Variants in INPP5A observed in about 807,000 individuals in gnomAD.
INPP5A encodes the protein 43 kDa inositol polyphosphate 5-phophatase.
INPP5A carries 14 observed loss-of-function variants against 65.2 expected under a neutral mutation model. The observed-to-expected ratio is 0.21, with a 90% CI of 0.14 to 0.34. The LOEUF (loss-of-function observed/expected upper bound fraction) is 0.34. INPP5A is among the 10% of genes least tolerant of loss of function. INPP5A has a pLI of 1.00. For synonymous variants in INPP5A, 207 were observed against 208.3 expected, an observed-to-expected ratio of 0.99 and a Z score of 0.05; for missense variants, 431 against 545.6, an observed-to-expected ratio of 0.79 and a Z score of 2.09.
chr10:132,640,705 G>A (rs1057447546), intron 2 of INPP5A, among the ~76,000 whole-genome samples: 6 of 152,376 alleles, frequency 3.9e-5, no homozygotes, highest in East Asian at 1.9e-4. Flanking sequence ...TGGCAAAACC[G>A]GAGCCCCTGC....
intron 1 of INPP5A, among the ~76,000 whole-genome samples, chr10:132,548,598 A>G (rs1487993934): frequency 6.6e-6 from 1 of 152,070 alleles, no homozygotes; most frequent in Non-Finnish European, 1.5e-5. Flanking sequence ...GTTTTGAGAC[A>G]CTTCCCTCCT....
rs1469147399 is a variant in INPP5A, at chr10:132,762,749, G to A, written c.904-3024G>A. On this transcript the variant is annotated intron_variant, in intron 11 of 15. Coordinates refer to ENST00000368594, the MANE Select transcript of INPP5A (RefSeq NM_005539.5). This position sits in a 1 kb window ranked among gnomAD's most constrained non-coding sequence, Gnocchi z 4.6. ...GGGGCTGGGCACGGTAGAACACTTG[G>A]GGAGGCCGAGGCAGGAGGATTGCTT... Among the ~76,000 whole-genome samples the A allele has an allele frequency of 6.6e-6, 1 of 152,178 alleles. No individual in the cohort carries two copies. Among genetic ancestry groups the A allele is most frequent in the Non-Finnish European group, 1.5e-5 (1 of 68,026 alleles).
At chr10:132,749,894 G>A (rs1253941951) in intron 11 of INPP5A, 49 bp downstream of exon 11, 13 of 1,486,886 alleles carry the variant, frequency 8.7e-6, no homozygotes, top group Admixed American at 6.7e-5. Context: ...GGACATCCAC[G>A]CCCCCAGGCC....
intron 8 of INPP5A, among the ~76,000 whole-genome samples, chr10:132,715,055 A>C (rs930881555): frequency 2.6e-5 from 4 of 151,398 alleles, no homozygotes; most frequent in African/African-American, 9.7e-5. Flanking sequence ...GGCGCCGAGC[A>C]CTCAGCCCGT....
rs1241724370 is a variant in INPP5A, at chr10:132,538,925, C to T, written c.75+754C>T. On this transcript the variant is annotated intron_variant, in intron 1 of 15. Transcript: ENST00000368594. The surrounding 1 kb of genome is among the most constrained non-coding windows in gnomAD (Gnocchi z 4.1). ...CCTGACTCTGAACCCTGAATTTCAA[C>T]CTCAGGCCCCAGCTTATGGCCCTGA... Among the ~76,000 whole-genome samples the T allele has an allele frequency of 3.9e-5, 6 of 152,160 alleles. No individual in the cohort carries two copies. The East Asian group carries it at 1.2e-3, about 29-fold the overall frequency.
In INPP5A at chr10:132,771,777, GAC is replaced by G. The variant is rs1591003084; in HGVS notation, c.978-5893_978-5892del. 8.3e-5 allele frequency among the ~76,000 whole-genome samples: 10 copies of G among 120,830 alleles called. 2 individuals are homozygous for G. The highest frequency in any genetic ancestry group is 6.1e-4 in the South Asian group (2 of 3,254). The allele number at this position is 120,830 out of a possible 152,430, so 79.3% of individuals were successfully genotyped here. ...ACAGCAGCCACCCCATGAAGAGTGG[GAC>G]GGACACTCAGCACTGACACGGAGGC... On this transcript the variant is annotated intron_variant, in intron 12 of 15. Coordinates refer to ENST00000368594, the MANE Select transcript of INPP5A (RefSeq NM_005539.5).
Position 132,540,988 on chromosome 10 carries a change from C to T in INPP5A, c.75+2817C>T, listed in dbSNP as rs184022869. ...GTCTCCCCTCTTAAGGCCCCTCCTC[C>T]TCCCCCTCTTGTTTTTGTTTTAGAC... On this transcript the variant is annotated intron_variant, in intron 1 of 15. Coordinates refer to ENST00000368594, the MANE Select transcript of INPP5A (RefSeq NM_005539.5). Among the ~76,000 whole-genome samples, 46 of 152,084 alleles carry T rather than the reference C, an allele frequency of 3.0e-4. No homozygotes were observed. In the East Asian group the frequency reaches 7.0e-3, roughly 23 times the overall value.
Position 132,616,100 on chromosome 10 carries a change from C to T in INPP5A, c.117+8144C>T, listed in dbSNP as rs58057837. On this transcript the variant is annotated intron_variant, in intron 2 of 15. Coordinates refer to ENST00000368594, the MANE Select transcript of INPP5A (RefSeq NM_005539.5). This position sits in a 1 kb window ranked among gnomAD's most constrained non-coding sequence, Gnocchi z 4.9. ...GTCGTTTTAGGAGCATGTGTGTGAG[C>T]GTGAGGATGCCCATGGCCAGTGGAC... Among the ~76,000 whole-genome samples the T allele has an allele frequency of 3.4e-3, 518 of 152,234 alleles. 3 individuals carry two copies. The highest frequency in any genetic ancestry group is 0.012 in the African/African-American group (482 of 41,530).
Position 132,727,055 on chromosome 10 carries a change from AT to A in INPP5A, c.732+151del. On this transcript the variant is annotated intron_variant, in intron 9 of 15. Transcript: ENST00000368594. This position sits in a 1 kb window ranked among gnomAD's most constrained non-coding sequence, Gnocchi z 6.5. ...AGGCAAAACCTTTCAATGAAGAAGC[AT>A]GTTTTGCTGTCGGCAGAGGGATCCG... 1 of 508,976 alleles carries A rather than the reference AT, an allele frequency of 2.0e-6. No homozygotes were observed. 31.5% of individuals were successfully genotyped at this position (508,976 alleles called of 1,614,324 possible). A position where few individuals can be genotyped will look rare whatever the true frequency, so the allele number is the denominator to read the frequency against.
intron 4 of INPP5A, among the ~76,000 whole-genome samples, chr10:132,666,120 C>G (rs2133425580): frequency 6.6e-6 from 1 of 151,336 alleles, no homozygotes; most frequent in East Asian, 2.0e-4. Context: ...TGCCTTAAAA[C>G]TGAGTCACTG....
chr10:132,718,267 G>A (rs1338032265), intron 8 of INPP5A, among the ~76,000 whole-genome samples: 1 of 142,458 alleles, frequency 7.0e-6, no homozygotes, highest in Non-Finnish European at 1.5e-5. Context: ...GGGTTCTGTG[G>A]TACCTGGGTT....
In INPP5A at chr10:132,721,008, C is replaced by T. The variant is rs187157138; in HGVS notation, c.648-5813C>T. Among the ~76,000 whole-genome samples the T allele has an allele frequency of 1.4e-3, 201 of 138,708 alleles. 3 individuals carry two copies. Among genetic ancestry groups the T allele is most frequent in the African/African-American group, 5.2e-3 (192 of 36,866 alleles). The allele number at this position is 138,708 out of a possible 152,430, so 91.0% of individuals were successfully genotyped here. Reference sequence around the variant, plus strand: ...CTGGGTTCTGTCTGGGCACCTTAGACGACTGTCTTCAGGGTTCTGTGGTAC... The same window carrying T: ...CTGGGTTCTGTCTGGGCACCTTAGATGACTGTCTTCAGGGTTCTGTGGTAC... On this transcript the variant is annotated intron_variant, in intron 8 of 15. Transcript: ENST00000368594.
chr10:132,720,035 CGGCTGTCTTGTGGGTTCTGTGGT>C, intron 8 of INPP5A, among the ~76,000 whole-genome samples: 1 of 149,556 alleles, frequency 6.7e-6, no homozygotes, highest in African/African-American at 2.5e-5. Flanking sequence ...GCGCCTTAGA[CGGCTGTCTTGTGGGTTCTGTGGT>C]ACCTGGGTTC....
At chr10:132,719,530 T>C (rs1845820149) in intron 8 of INPP5A, among the ~76,000 whole-genome samples, 1 of 149,604 alleles carries the variant, frequency 6.7e-6, no homozygotes, top group Non-Finnish European at 1.5e-5. Context: ...ACGGCTGTCT[T>C]GCGGGTTCTG....
At chr10:132,567,745 A>G (rs959394202) in intron 1 of INPP5A, among the ~76,000 whole-genome samples, 2 of 152,136 alleles carry the variant, frequency 1.3e-5, no homozygotes, top group Admixed American at 1.3e-4. Context: ...TTTTATTCCA[A>G]TATCTGGTTA....
chr10:132,579,337 G>A (rs967514026), intron 1 of INPP5A, among the ~76,000 whole-genome samples: 1 of 152,074 alleles, frequency 6.6e-6, no homozygotes, highest in Admixed American at 6.5e-5. Context: ...CGTACCTGTT[G>A]GGAAGTGAGG....
At chr10:132,736,025 A>G (rs955478085) in intron 9 of INPP5A, among the ~76,000 whole-genome samples, 1 of 152,230 alleles carries the variant, frequency 6.6e-6, no homozygotes, top group Non-Finnish European at 1.5e-5. Context: ...TCAGATGCAG[A>G]TTAATGCAGA....
At chr10:132,749,495 C>A (rs919681577) in intron 9 of INPP5A, 22 bp from the exon 10 acceptor site, 1 of 1,610,624 alleles carries the variant, frequency 6.2e-7, no homozygotes, top group Non-Finnish European at 8.5e-7. Context: ...TGGGACTTAT[C>A]TCCGTTGCTG....
intron 2 of INPP5A, among the ~76,000 whole-genome samples, chr10:132,611,204 GTTCAT>G (rs1456692450): frequency 6.8e-6 from 1 of 146,234 alleles, no homozygotes. Context: ...GAGGTGAGGA[GTTCAT>G]GGGAGAGGCC....
Sources: gnomAD v4.1 joint callset for allele counts (sites outside exome capture counted in the v4.1 genomes callset) on GRCh38, gnomAD v4.1.1 for gene constraint, Gnocchi (gnomAD v3.1) non-coding constraint, MANE v1.5 for transcripts, NCBI Gene and HGNC (gene_info 2026-07-23, HGNC 2026-07-21) for gene names.